Variants in MBD5 observed in about 807,000 individuals in gnomAD.
MBD5 encodes methyl-CpG-binding domain protein 5.
In MBD5, 13 loss-of-function variants were observed where a neutral mutation model predicts 117.3. The ratio of observed to expected loss-of-function variants is 0.11; its 90% confidence interval spans 0.07 to 0.18. The LOEUF is 0.18. MBD5 is among the 10% of genes least tolerant of loss of function. The pLI is 1.00. For missense variants in MBD5, 1,879 were observed against 2,093.8 expected, an observed-to-expected ratio of 0.90 and a Z score of 2.00; for synonymous variants, 727 against 766.4, an observed-to-expected ratio of 0.95 and a Z score of 0.85.
At chr2:148,310,645 C>T (rs1229224219) in intron 3 of MBD5, among the ~76,000 whole-genome samples, 1 of 152,036 alleles carries the variant, frequency 6.6e-6, no homozygotes, top group Non-Finnish European at 1.5e-5. Flanking sequence ...TCTCTCTATC[C>T]TTCAGTTCTG....
intron 2 of MBD5, among the ~76,000 whole-genome samples, chr2:148,218,432 T>C (rs995029019): frequency 3.4e-4 from 52 of 152,220 alleles, no homozygotes; most frequent in Admixed American, 6.5e-4. Flanking sequence ...AGAAGTTACA[T>C]AGCCGAGCCC....
At chr2:148,384,564 C>T (rs921914819) in intron 4 of MBD5, among the ~76,000 whole-genome samples, 4 of 152,130 alleles carry the variant, frequency 2.6e-5, no homozygotes, top group African/African-American at 9.7e-5. Flanking sequence ...TCAATGCCAT[C>T]CCCATCAAGC....
At chr2:148,400,810 A>G (rs1704896645) in intron 4 of MBD5, among the ~76,000 whole-genome samples, 1 of 152,042 alleles carries the variant, frequency 6.6e-6, no homozygotes, top group Non-Finnish European at 1.5e-5. Flanking sequence ...ATTTAATCTT[A>G]TATTTAAGGT....
At chr2:148,235,637 G>T (rs571573473) in intron 3 of MBD5, among the ~76,000 whole-genome samples, 1 of 152,154 alleles carries the variant, frequency 6.6e-6, no homozygotes, top group South Asian at 2.1e-4. Context: ...TGCAGGTTTG[G>T]TTCCAGACTA....
intron 4 of MBD5, among the ~76,000 whole-genome samples, chr2:148,365,698 C>G (rs1029188075): frequency 3.3e-5 from 5 of 152,112 alleles, no homozygotes; most frequent in African/African-American, 1.2e-4. Flanking sequence ...TACTATAAAC[C>G]CCTCTATGCA....
chr2:148,022,933 A>G (rs2105525513), intron 1 of MBD5, among the ~76,000 whole-genome samples: 1 of 152,306 alleles, frequency 6.6e-6, no homozygotes. Flanking sequence ...CACAAATGTT[A>G]GAAAGTATGT....
At chr2:148,421,146 C>A (rs943559477) in intron 4 of MBD5, among the ~76,000 whole-genome samples, 1 of 152,170 alleles carries the variant, frequency 6.6e-6, no homozygotes, top group Non-Finnish European at 1.5e-5. Flanking sequence ...GATGGCTGAA[C>A]AGGAACAGCT....
At chr2:148,072,482 A>G (rs1695386325) in intron 1 of MBD5, among the ~76,000 whole-genome samples, 1 of 152,234 alleles carries the variant, frequency 6.6e-6, no homozygotes, top group Non-Finnish European at 1.5e-5. Context: ...TAGTGTAAAC[A>G]AAAGTAGTAG....
At chr2:148,100,157 G>A (rs539199443) in intron 1 of MBD5, among the ~76,000 whole-genome samples, 17 of 152,146 alleles carry the variant, frequency 1.1e-4, no homozygotes, top group Non-Finnish European at 2.4e-4. Flanking sequence ...CTTGCCAAGT[G>A]AAGGTCAGAG....
At chr2:148,449,007 A>T (rs1190019108) in intron 4 of MBD5, among the ~76,000 whole-genome samples, 2 of 152,110 alleles carry the variant, frequency 1.3e-5, no homozygotes, top group African/African-American at 4.8e-5. Flanking sequence ...CAGCTAACAT[A>T]CAAGAATAAA....
intron 3 of MBD5, among the ~76,000 whole-genome samples, chr2:148,245,023 C>T (rs558584400): frequency 4.6e-5 from 7 of 152,114 alleles, no homozygotes; most frequent in Non-Finnish European, 8.8e-5. Flanking sequence ...TGAGGGCCTA[C>T]GTACAAATGA....
At chr2:148,455,341 G>A (rs1159800758) in intron 4 of MBD5, among the ~76,000 whole-genome samples, 1 of 152,130 alleles carries the variant, frequency 6.6e-6, no homozygotes, top group African/African-American at 2.4e-5. Flanking sequence ...CCTGCAAGAT[G>A]TAAAGCTGTA....
chr2:148,453,877 C>T (rs1281563544), intron 4 of MBD5, among the ~76,000 whole-genome samples: 1 of 151,904 alleles, frequency 6.6e-6, no homozygotes, highest in Non-Finnish European at 1.5e-5. Flanking sequence ...GAAACATGGC[C>T]TGAAATGCTT....
intron 2 of MBD5, among the ~76,000 whole-genome samples, chr2:148,231,099 G>A (rs1032779330): frequency 6.6e-6 from 1 of 152,042 alleles, no homozygotes; most frequent in African/African-American, 2.4e-5. Context: ...ACTGTCTCTG[G>A]CCCAAGTTCA....
At chr2:148,510,186 T>C (rs957692335) in intron 13 of MBD5, 51 bp downstream of exon 13, 1 of 1,384,278 alleles carries the variant, frequency 7.2e-7, no homozygotes, top group Non-Finnish European at 1.0e-6. Flanking sequence ...AAATAAATTG[T>C]GTTACACTTT....
chr2:148,419,327 T>A (rs1424457070), intron 4 of MBD5, among the ~76,000 whole-genome samples: 2 of 152,146 alleles, frequency 1.3e-5, no homozygotes, highest in African/African-American at 4.8e-5. Flanking sequence ...GGCATTTGCT[T>A]TTTATATCTT....
chr2:148,439,252 A>G (rs1164427574), intron 4 of MBD5, among the ~76,000 whole-genome samples: 1 of 152,142 alleles, frequency 6.6e-6, no homozygotes, highest in Non-Finnish European at 1.5e-5. Context: ...CTGGGATTTC[A>G]GCATTCAGGA....
At chr2:148,271,718 A>G (rs1187050429) in intron 3 of MBD5, among the ~76,000 whole-genome samples, 1 of 152,160 alleles carries the variant, frequency 6.6e-6, no homozygotes, top group Non-Finnish European at 1.5e-5. Flanking sequence ...TGAAATATGT[A>G]TACATTGTGA....
At chr2:148,500,322 G>T (rs1681833034) in intron 11 of MBD5, among the ~76,000 whole-genome samples, 1 of 151,844 alleles carries the variant, frequency 6.6e-6, no homozygotes, top group Admixed American at 6.6e-5. Context: ...TATATAAAAT[G>T]ACTACATTTC....
Sources: gnomAD v4.1 joint callset for allele counts (sites outside exome capture counted in the v4.1 genomes callset) on GRCh38, gnomAD v4.1.1 for gene constraint, MANE v1.5 for transcripts, NCBI Gene and HGNC (gene_info 2026-07-23, HGNC 2026-07-21) for gene names.